Variants in DNMBP observed in about 807,000 individuals in gnomAD.
DNMBP encodes dynamin binding protein.
In DNMBP, 87 loss-of-function variants were observed where a neutral mutation model predicts 150.0. That is an observed-to-expected ratio of 0.58 (90% CI 0.49 to 0.69). The LOEUF (loss-of-function observed/expected upper bound fraction) is 0.69, where lower values mean the gene tolerates loss of function less well. Among genes scored for constraint, DNMBP ranks in the 30% least tolerant of loss-of-function variants. The pLI is 0.00. For synonymous variants in DNMBP, 711 were observed against 750.4 expected (o/e 0.95, Z 0.86); for missense variants, 1,774 against 1,949.0 (o/e 0.91, Z 1.69).
chr10:99,980,113 G>A (rs1025157233), intron 1 of DNMBP, among the ~76,000 whole-genome samples: 3 of 152,164 alleles, frequency 2.0e-5, no homozygotes, highest in Admixed American at 6.5e-5. Flanking sequence ...AAAGCCATGA[G>A]AGTAAATGTA....
intron 6 of DNMBP, among the ~76,000 whole-genome samples, chr10:99,907,536 G>GGGATTACAGGAGCCCATGACCAC (rs1342097157): frequency 1.3e-5 from 2 of 151,706 alleles, no homozygotes; most frequent in Non-Finnish European, 2.9e-5. Flanking sequence ...CCAAGTAGCT[G>GGGATTACAGGAGCCCATGACCAC]GGATTACAGG....
intron 4 of DNMBP, among the ~76,000 whole-genome samples, chr10:99,912,885 CAAAG>C (rs953432177): frequency 2.6e-5 from 4 of 152,262 alleles, no homozygotes; most frequent in South Asian, 2.1e-4. Context: ...TATTAACACT[CAAAG>C]AGAGTTTTCA....
rs888122429 is a variant in DNMBP at position 99,886,560 on chromosome 10, G to A, written c.3358C>T (p.Leu1120=). ...AGCTTGTCAAAGCGTTTCTGTACCA[G>A]CTTATGGGGCCCTGTAAACATGCTC... The part of the protein sequence containing the change: ...LLSMFTGPHK[L]VQKRFDKLLD... Residue 1120 remains leucine (L), a synonymous_variant, in exon 13 of 17, where the codon CTG becomes TTG. Coordinates refer to ENST00000324109, the MANE Select transcript of DNMBP (RefSeq NM_015221.4). The A allele has an allele frequency of 6.2e-7, 1 of 1,614,174 alleles. No homozygotes were observed. Among genetic ancestry groups the A allele is most frequent in the Non-Finnish European group, 8.5e-7 (1 of 1,180,028 alleles).
intron 4 of DNMBP, among the ~76,000 whole-genome samples, chr10:99,947,057 A>C (rs759809069): frequency 4.6e-5 from 7 of 152,214 alleles, no homozygotes; most frequent in Admixed American, 6.5e-5. Flanking sequence ...TATTAAAGTA[A>C]AAAAATAACA....
chr10:99,904,913 C>T (rs2039803143), intron 6 of DNMBP, among the ~76,000 whole-genome samples: 1 of 152,170 alleles, frequency 6.6e-6, no homozygotes, highest in East Asian at 1.9e-4. Context: ...TGATTTGAAT[C>T]AGACCTAAGG....
At chr10:99,957,434 G>C in intron 3 of DNMBP, 1 of 572,106 alleles carries the variant, frequency 1.7e-6, no homozygotes, top group South Asian at 2.3e-5. Context: ...CAAGATCCTA[G>C]CAGAGAATCT....
intron 1 of DNMBP, among the ~76,000 whole-genome samples, chr10:99,987,242 C>T (rs938073539): frequency 7.2e-5 from 11 of 151,754 alleles, no homozygotes; most frequent in African/African-American, 2.7e-4. Flanking sequence ...GTGGCTCATG[C>T]TTGTAATCCG....
intron 3 of DNMBP, among the ~76,000 whole-genome samples, chr10:99,960,254 T>A (rs1395178516): frequency 6.6e-6 from 1 of 152,202 alleles, no homozygotes; most frequent in Non-Finnish European, 1.5e-5. Flanking sequence ...ATTATCTGAT[T>A]ATAAGCTATT....
intron 6 of DNMBP, among the ~76,000 whole-genome samples, chr10:99,901,418 G>C (rs2039735662): frequency 1.3e-5 from 2 of 152,024 alleles, no homozygotes; most frequent in South Asian, 4.1e-4. Context: ...TGGTGACAAA[G>C]TCACAGCTAC....
intron 1 of DNMBP, among the ~76,000 whole-genome samples, chr10:100,005,764 C>CAAAAAAAAAAACAA (rs2041062191): frequency 2.6e-5 from 1 of 37,978 alleles, no homozygotes; most frequent in Non-Finnish European, 5.4e-5. Flanking sequence ...CAAAAGTCTC[C>CAAAAAAAAAAACAA]AAAAAAAAAA....
intron 1 of DNMBP, among the ~76,000 whole-genome samples, chr10:99,975,764 G>A (rs1006537059): frequency 1.3e-5 from 2 of 152,196 alleles, no homozygotes; most frequent in Admixed American, 6.5e-5. Flanking sequence ...ATTTATTAGC[G>A]ATTTCACCTT....
Position 99,895,028 on chromosome 10 carries a change from T to G in DNMBP, c.3074A>C (p.Glu1025Ala), listed in dbSNP as rs1259662245. Reference sequence around the variant, plus strand: ...TTGCATTCGGAAGTTTTTTTCTGTTTCTTCAAATACTTCATCTTTTATCTG... The same window carrying G: ...TTGCATTCGGAAGTTTTTTTCTGTTGCTTCAAATACTTCATCTTTTATCTG... ...APQIKDEVFE[E>A]TEKNFRMQER... Residue 1025 changes from glutamate (E) to alanine (A), a missense_variant, in exon 11 of 17, where the codon GAA (glutamate) becomes GCA (alanine). Glu to Ala is a moderately radical substitution (Grantham distance 107). Transcript: ENST00000324109. 2.5e-6 allele frequency: 4 copies of G among 1,610,650 alleles called. No homozygotes were observed. The highest frequency in any genetic ancestry group is 3.4e-6 in the Non-Finnish European group (4 of 1,177,262).
At chr10:99,930,878 A>C in intron 4 of DNMBP, 1 of 576,882 alleles carries the variant, frequency 1.7e-6, no homozygotes, top group South Asian at 2.3e-5. Context: ...AATGTCTCCC[A>C]ACCATTCCAG....
intron 6 of DNMBP, among the ~76,000 whole-genome samples, chr10:99,901,830 T>TC (rs1218538818): frequency 1.3e-5 from 2 of 152,178 alleles, no homozygotes; most frequent in African/African-American, 4.8e-5. Flanking sequence ...AGGGAGCCTA[T>TC]CGCTGCTTCT....
At chr10:99,923,514 C>G (rs1330636026) in intron 4 of DNMBP, among the ~76,000 whole-genome samples, 1 of 152,086 alleles carries the variant, frequency 6.6e-6, no homozygotes, top group Non-Finnish European at 1.5e-5. Flanking sequence ...TCTCAGGCAC[C>G]TGCTCCTCTC....
chr10:100,000,709 G>A (rs946908312), intron 1 of DNMBP, among the ~76,000 whole-genome samples: 1 of 152,006 alleles, frequency 6.6e-6, no homozygotes, highest in Non-Finnish European at 1.5e-5. Flanking sequence ...AGATTCATCT[G>A]TTGAGGGCAC....
At chr10:99,982,221 G>A (rs2040785989) in intron 1 of DNMBP, among the ~76,000 whole-genome samples, 1 of 152,130 alleles carries the variant, frequency 6.6e-6, no homozygotes, top group African/African-American at 2.4e-5. Flanking sequence ...GAGGAGGGTG[G>A]ATTGCTTGAG....
At chr10:99,887,859 T>C (rs1198271290) in intron 12 of DNMBP, among the ~76,000 whole-genome samples, 3 of 152,132 alleles carry the variant, frequency 2.0e-5, no homozygotes, top group African/African-American at 7.2e-5. Flanking sequence ...AGTTTCGCTC[T>C]TGTTGCCCAG....
chr10:99,943,960 T>C (rs144764426), intron 4 of DNMBP, among the ~76,000 whole-genome samples: 2 of 152,206 alleles, frequency 1.3e-5, no homozygotes, highest in African/African-American at 4.8e-5. Flanking sequence ...CTGATTTAAT[T>C]TGCAACAGAC....
Sources: gnomAD v4.1 joint callset for allele counts (sites outside exome capture counted in the v4.1 genomes callset) on GRCh38, gnomAD v4.1.1 for gene constraint, MANE v1.5 for transcripts, NCBI Gene and HGNC (gene_info 2026-07-23, HGNC 2026-07-21) for gene names.